KCNIP4: variants seen among roughly 807,000 people sequenced by gnomAD.
KCNIP4 encodes Kv channel-interacting protein 4.
A neutral mutation model predicts 34.0 loss-of-function variants in KCNIP4; 12 were observed. The observed-to-expected ratio is 0.35, with a 90% CI of 0.23 to 0.57. The LOEUF (loss-of-function observed/expected upper bound fraction) is 0.57, where lower values mean the gene tolerates loss of function less well. Ranked by LOEUF, KCNIP4 falls within the 20% of genes least tolerant of loss-of-function variation. The pLI is 0.83. For synonymous variants in KCNIP4, 124 were observed against 102.2 expected (o/e 1.21, Z -1.29); for missense variants, 238 against 311.7 (o/e 0.76, Z 1.78).
At chr4:21,364,941 A>G (rs1431228916) in intron 1 of KCNIP4, among the ~76,000 whole-genome samples, 1 of 152,170 alleles carries the variant, frequency 6.6e-6, no homozygotes, top group African/African-American at 2.4e-5. Flanking sequence ...ATATAAAGAT[A>G]GGAAAGCAAG....
chr4:21,069,250 C>T (rs1744679730), intron 1 of KCNIP4, among the ~76,000 whole-genome samples: 1 of 151,834 alleles, frequency 6.6e-6, no homozygotes. Flanking sequence ...ACGTGTGCTG[C>T]TTTGAAGTCT....
intron 1 of KCNIP4, among the ~76,000 whole-genome samples, chr4:21,425,483 T>C (rs1725850125): frequency 6.6e-6 from 1 of 152,116 alleles, no homozygotes; most frequent in South Asian, 2.1e-4. Context: ...TATATGCACA[T>C]AAAGTGGTAA....
At chr4:21,477,735 G>A (rs1381410915) in intron 1 of KCNIP4, among the ~76,000 whole-genome samples, 2 of 152,120 alleles carry the variant, frequency 1.3e-5, no homozygotes, top group Non-Finnish European at 2.9e-5. Flanking sequence ...TTTCTTATGA[G>A]TGCACCATGT....
chr4:21,475,246 G>A (rs1242323663), intron 1 of KCNIP4, among the ~76,000 whole-genome samples: 1 of 152,054 alleles, frequency 6.6e-6, no homozygotes, highest in Non-Finnish European at 1.5e-5. Flanking sequence ...CATTTTCTAA[G>A]TGTTTACACA....
chr4:21,810,319 GA>G (rs1263529951), intron 1 of KCNIP4, among the ~76,000 whole-genome samples: 2 of 151,838 alleles, frequency 1.3e-5, no homozygotes, highest in African/African-American at 4.8e-5. Context: ...CAAGAAGTGT[GA>G]TCTCTCTTCA....
intron 1 of KCNIP4, among the ~76,000 whole-genome samples, chr4:21,651,689 G>A (rs903354242): frequency 1.3e-5 from 2 of 152,116 alleles, no homozygotes; most frequent in African/African-American, 4.8e-5. Flanking sequence ...AAACATAACA[G>A]CAACAAAACA....
chr4:20,919,702 CA>C (rs573617142), intron 1 of KCNIP4, among the ~76,000 whole-genome samples: 2,778 of 57,212 alleles, frequency 0.049, 50 homozygotes, highest in African/African-American at 0.14. Flanking sequence ...GACTCCGTCT[CA>C]AAAAAAAAAA....
At chr4:21,861,071 T>C (rs919579173) in intron 1 of KCNIP4, among the ~76,000 whole-genome samples, 3 of 152,184 alleles carry the variant, frequency 2.0e-5, no homozygotes, top group South Asian at 2.1e-4. Context: ...ATATTAAAGA[T>C]TGAGTATTTT....
intron 1 of KCNIP4, among the ~76,000 whole-genome samples, chr4:21,231,511 A>G (rs1433125229): frequency 6.6e-6 from 1 of 152,134 alleles, no homozygotes; most frequent in Non-Finnish European, 1.5e-5. Flanking sequence ...AAACATTTTT[A>G]TTAAAATACA....
chr4:21,911,135 G>A (rs1371922926), intron 1 of KCNIP4, among the ~76,000 whole-genome samples: 4 of 151,812 alleles, frequency 2.6e-5, no homozygotes, highest in Non-Finnish European at 5.9e-5. Context: ...CCTTCAAATC[G>A]AAAAGTCCTC....
At chr4:21,901,232 AAGG>A (rs1727687523) in intron 1 of KCNIP4, among the ~76,000 whole-genome samples, 1 of 152,206 alleles carries the variant, frequency 6.6e-6, no homozygotes, top group Admixed American at 6.6e-5. Context: ...AGTCTGGCTG[AAGG>A]AGAACTATTT....
At chr4:21,877,808 ATC>A (rs1262410460) in intron 1 of KCNIP4, among the ~76,000 whole-genome samples, 1 of 152,156 alleles carries the variant, frequency 6.6e-6, no homozygotes, top group Non-Finnish European at 1.5e-5. Flanking sequence ...TTACAAGAAT[ATC>A]TCTTAGATAT....
At chr4:21,293,927 A>G (rs1763690113) in intron 1 of KCNIP4, among the ~76,000 whole-genome samples, 1 of 152,160 alleles carries the variant, frequency 6.6e-6, no homozygotes. Context: ...AGGCAGGAAC[A>G]CGGTGGTTGA....
intron 2 of KCNIP4, among the ~76,000 whole-genome samples, chr4:20,855,279 C>A (rs1395626351): frequency 1.3e-5 from 2 of 152,118 alleles, no homozygotes; most frequent in African/African-American, 4.8e-5. Flanking sequence ...TTGTGTAAAC[C>A]AATCCACACC....
At chr4:21,424,740 C>G (rs1175749807) in intron 1 of KCNIP4, among the ~76,000 whole-genome samples, 2 of 152,146 alleles carry the variant, frequency 1.3e-5, no homozygotes, top group African/African-American at 4.8e-5. Context: ...CAAACTCAAG[C>G]ATTAAAAAGT....
intron 5 of KCNIP4, among the ~76,000 whole-genome samples, chr4:20,747,914 G>A (rs560813281): frequency 1.3e-5 from 2 of 152,228 alleles, no homozygotes; most frequent in East Asian, 3.9e-4. Context: ...ACGCCCATAT[G>A]AACTTTTCTT....
chr4:20,838,110 A>G (rs1719292746), intron 3 of KCNIP4, among the ~76,000 whole-genome samples: 1 of 152,170 alleles, frequency 6.6e-6, no homozygotes, highest in African/African-American at 2.4e-5. Context: ...TGCTGTGAAG[A>G]CTAGGTTCTA....
At chr4:20,929,883 A>G (rs1730279463) in intron 1 of KCNIP4, among the ~76,000 whole-genome samples, 1 of 152,016 alleles carries the variant, frequency 6.6e-6, no homozygotes, top group Non-Finnish European at 1.5e-5. Flanking sequence ...ACACATATAA[A>G]TAGAATAATA....
chr4:20,796,112 A>G (rs1250181761), intron 3 of KCNIP4, among the ~76,000 whole-genome samples: 1 of 152,206 alleles, frequency 6.6e-6, no homozygotes, highest in Non-Finnish European at 1.5e-5. Context: ...GACTAGGAAA[A>G]TGTGTCGGAT....
Sources: allele counts gnomAD v4.1 joint callset (sites outside exome capture counted in the v4.1 genomes callset), GRCh38; gene constraint gnomAD v4.1.1; transcripts MANE v1.5; gene names NCBI Gene and HGNC (gene_info 2026-07-23, HGNC 2026-07-21).